The following CHL1 variants were observed in gnomAD, a reference collection of about 807,000 sequenced individuals.
CHL1 encodes neural cell adhesion molecule L1-like protein.
Under a neutral mutation model 141.9 loss-of-function variants are expected in CHL1, and 96 were observed. That is an observed-to-expected ratio of 0.68 (90% CI 0.57 to 0.80). The LOEUF (loss-of-function observed/expected upper bound fraction) is 0.80. CHL1 is among the 30% of genes least tolerant of loss of function. CHL1 has a pLI of 0.00. For synonymous variants in CHL1, 613 were observed against 502.2 expected, an observed-to-expected ratio of 1.22 and a Z score of -2.95; for missense variants, 1,820 against 1,457.2, an observed-to-expected ratio of 1.25 and a Z score of -4.05.
At chr3:217,443 G>A (rs1220618170) in intron 1 of CHL1, 5 of 152,028 alleles carry the variant, frequency 3.3e-5, no homozygotes, top group East Asian at 3.9e-4. Flanking sequence ...AAATCTTTAC[G>A]GGAAAGAAAC....
At chr3:280,828 C>G (rs1056488495) in intron 2 of CHL1, among the ~76,000 whole-genome samples, 1 of 151,992 alleles carries the variant, frequency 6.6e-6, no homozygotes, top group African/African-American at 2.4e-5. Context: ...TAACTTTCCT[C>G]TCTGGTTTTA....
At chr3:262,524 C>G (rs1351153076) in intron 2 of CHL1, among the ~76,000 whole-genome samples, 1 of 133,200 alleles carries the variant, frequency 7.5e-6, no homozygotes, top group Admixed American at 7.0e-5. Context: ...TAGATCTACA[C>G]AGTACTTACA....
At position 326,190 on chromosome 3, in the gene CHL1, A is replaced by G. The variant is rs534292942; in HGVS notation, c.197+126A>G. ...CATGATTAAAGCTAAGGGTTTACAA[A>G]AAATCATATCCATGCAAACAAAAAA... is the stretch of plus-strand genomic sequence containing the variant. On this transcript the variant is annotated intron_variant, in intron 4 of 27. Transcript: ENST00000256509. 1.6e-4 allele frequency: 84 copies of G among 539,608 alleles called. No individual in the cohort carries two copies. The African/African-American group carries it at 1.6e-3, about 10-fold the overall frequency. The allele number at this position is 539,608 out of a possible 1,614,324, so 33.4% of individuals were successfully genotyped here.
intron 1 of CHL1, among the ~76,000 whole-genome samples, chr3:232,712 G>A (rs2125048653): frequency 6.6e-6 from 1 of 151,968 alleles, no homozygotes; most frequent in Admixed American, 6.6e-5. Context: ...TATTCTCATT[G>A]CCACCCTGTG....
chr3:255,499 A>ATGTGTG (rs4002879), intron 2 of CHL1, among the ~76,000 whole-genome samples: 22 of 137,052 alleles, frequency 1.6e-4, no homozygotes, highest in African/African-American at 4.4e-4. Flanking sequence ...GTGTCTTTGT[A>ATGTGTG]TGTGTGTGTG....
intron 2 of CHL1, among the ~76,000 whole-genome samples, chr3:286,430 G>T (rs1697152235): frequency 6.6e-6 from 1 of 152,080 alleles, no homozygotes; most frequent in East Asian, 1.9e-4. Flanking sequence ...GGCCAACATG[G>T]TGAAACCCCA....
intron 2 of CHL1, among the ~76,000 whole-genome samples, chr3:314,169 T>C (rs1406143782): frequency 6.6e-6 from 1 of 151,684 alleles, no homozygotes; most frequent in Non-Finnish European, 1.5e-5. Flanking sequence ...ATCTCCTTAC[T>C]GCTGTTGAAA....
At chr3:245,617 A>G (rs3864044) in intron 2 of CHL1, among the ~76,000 whole-genome samples, 1,979 of 152,306 alleles carry the variant, frequency 0.013, 43 homozygotes, top group African/African-American at 0.045. Context: ...TATGCACTCC[A>G]GAAGAAATAA....
Position 383,899 on chromosome 3 carries a change from T to G in CHL1, c.2247+13T>G, listed in dbSNP as rs1428579181. 2 of 1,570,926 alleles carry G rather than the reference T, an allele frequency of 1.3e-6. No individual in the cohort carries two copies. The highest frequency in any genetic ancestry group is 1.3e-5 in the African/African-American group (1 of 74,074). ...TATAAAGTGGGAGGTGTGTATTTCT[T>G]AATACGTTATGTATTTCTTTGTGCT... On this transcript the variant is annotated intron_variant, in intron 19 of 27. Transcript: ENST00000256509.
chr3:206,739 ACT>A (rs1179059570), intron 1 of CHL1, among the ~76,000 whole-genome samples: 1 of 152,004 alleles, frequency 6.6e-6, no homozygotes, highest in Non-Finnish European at 1.5e-5. Flanking sequence ...TAATGGTCTG[ACT>A]CTTCCTGTAC....
intron 1 of CHL1, among the ~76,000 whole-genome samples, chr3:207,444 G>C (rs983048622): frequency 6.6e-6 from 1 of 152,134 alleles, no homozygotes; most frequent in East Asian, 1.9e-4. Context: ...TTTCTAACTT[G>C]TTCTGTAAAA....
In CHL1 at chr3:328,173, G is replaced by C; in HGVS notation, c.204G>C (p.Ser68=). 1 of 1,600,014 alleles carries C rather than the reference G, an allele frequency of 6.2e-7. No homozygotes were observed. The highest frequency in any genetic ancestry group is 8.5e-7 in the Non-Finnish European group (1 of 1,172,702). The change falls in exon 5 of 28, where the codon TCG becomes TCC. Residue 68 remains serine, a synonymous_variant. Transcript: ENST00000256509. Reference sequence around the variant, plus strand: ...GTTCAGTTTTATGTTTTAGATTTTCGTGGACTAAGGATGGCAACCCTTTTT... The same window carrying C: ...GTTCAGTTTTATGTTTTAGATTTTCCTGGACTAAGGATGGCAACCCTTTTT... ...EAKGNPEPTF[S]WTKDGNPFYF...
chr3:408,291 A>T lies in CHL1; in HGVS notation c.*2580A>T, dbSNP rs1053869968. 4.6e-5 allele frequency: 7 copies of T among 152,074 alleles called. No individual in the cohort carries two copies. Among genetic ancestry groups the T allele is most frequent in the Non-Finnish European group, 8.8e-5 (6 of 67,994 alleles). 9.4% of individuals were successfully genotyped at this position (152,074 alleles called of 1,614,324 possible). ...CTTTCTCTAGTCTACTGTCAATATC[A>T]TTTTAATGTAATTGATTGTATATAG... On this transcript the variant is annotated 3_prime_UTR_variant, in exon 28 of 28. Transcript: ENST00000256509.
intron 15 of CHL1, among the ~76,000 whole-genome samples, chr3:377,498 T>C (rs1169244136): frequency 6.6e-6 from 1 of 152,180 alleles, no homozygotes; most frequent in Non-Finnish European, 1.5e-5. Flanking sequence ...CAAATATATC[T>C]TGGCCATTGT....
chr3:240,598 A>G (rs1224500440), intron 1 of CHL1, among the ~76,000 whole-genome samples: 3 of 152,054 alleles, frequency 2.0e-5, no homozygotes, highest in African/African-American at 7.2e-5. Flanking sequence ...AAGCTCTTTA[A>G]TTAAGTCCCA....
At position 360,360 on chromosome 3, in the gene CHL1, G is replaced by A. The variant is rs144449707; in HGVS notation, c.1242G>A (p.Val414=). The stretch of plus-strand genomic sequence containing the variant: ...ACCTTCAACCAAATCATACTGCTGT[G>A]TACCAGTGTGAAGCCTCAAATGTCC... ...FTNLQPNHTA[V]YQCEASNVHG... Residue 414 remains valine, a synonymous_variant, in exon 12 of 28, where the codon GTG becomes GTA. Coordinates refer to ENST00000256509, the MANE Select transcript of CHL1 (RefSeq NM_006614.4). 328 of 1,613,540 alleles carry A rather than the reference G, an allele frequency of 2.0e-4. 1 individual carries two copies. The South Asian group carries it at 3.4e-3, about 17-fold the overall frequency.
At chr3:344,242 T>C (rs1044868547) in intron 8 of CHL1, among the ~76,000 whole-genome samples, 1 of 152,082 alleles carries the variant, frequency 6.6e-6, no homozygotes, top group South Asian at 2.1e-4. Context: ...AACATAAACA[T>C]AAAGTCATTG....
At chr3:381,177 T>C (rs1312822884) in intron 16 of CHL1, among the ~76,000 whole-genome samples, 1 of 152,172 alleles carries the variant, frequency 6.6e-6, no homozygotes, top group African/African-American at 2.4e-5. Flanking sequence ...CTTGAGACTG[T>C]AATCAGAGAA....
intron 3 of CHL1, among the ~76,000 whole-genome samples, chr3:322,650 A>ATATATATATATATATATATAAT (rs1185254291): frequency 1.4e-5 from 1 of 72,764 alleles, no homozygotes; most frequent in East Asian, 4.5e-4. Flanking sequence ...TATAAAATAT[A>ATATATATATATATATATATAAT]TATATATATA....
Sources: gnomAD v4.1 joint callset for allele counts (sites outside exome capture counted in the v4.1 genomes callset) on GRCh38, gnomAD v4.1.1 for gene constraint, MANE v1.5 for transcripts, NCBI Gene and HGNC (gene_info 2026-07-23, HGNC 2026-07-21) for gene names.